SOS1: variants seen among roughly 807,000 people sequenced by gnomAD.
SOS1 encodes the protein SOS Ras/Rac guanine nucleotide exchange factor 1.
Under a neutral mutation model 157.6 loss-of-function variants are expected in SOS1, and 25 were observed. That is an observed-to-expected ratio of 0.16 (90% CI 0.12 to 0.22). The LOEUF is 0.22. SOS1 is among the 10% of genes least tolerant of loss of function. The probability of loss-of-function intolerance (pLI) is 1.00; values close to 1 mark genes in which losing one functional copy is unlikely to be tolerated. For missense variants in SOS1, 1,237 were observed against 1,599.1 expected (o/e 0.77, Z 3.86); for synonymous variants, 528 against 534.0 (o/e 0.99, Z 0.16).
At position 38,985,576 on chromosome 2, in the gene SOS1, TTA is replaced by T; in HGVS notation, c.*246_*247del. 3 of 473,038 alleles carry T rather than the reference TTA, an allele frequency of 6.3e-6. No individual in the cohort carries two copies. The highest frequency in any genetic ancestry group is 4.3e-5 in the South Asian group (2 of 46,038). 29.3% of individuals were successfully genotyped at this position (473,038 alleles called of 1,614,324 possible). A position where few individuals can be genotyped will look rare whatever the true frequency, so the allele number is the denominator to read the frequency against. ...TGCCTATTGGCCAGAAAAAGTCCCT[TTA>T]TGATTTTCAGGTGCAATCAGTTGTC... On this transcript the variant is annotated 3_prime_UTR_variant, in exon 23 of 23. Transcript: ENST00000402219.
Position 38,995,245 on chromosome 2 carries a change from C to G in SOS1, c.3224G>C (p.Ser1075Thr). ...TGGAGAATTTGGTGCAGATGCTGTA[C>G]TTTCTGTTTCACTTTCAGGGATCCT... ...YSRIPESETE[S>T]TASAPNSPRT... Residue 1075 changes from serine to threonine, a missense_variant, in exon 20 of 23, where the codon AGT (serine) becomes ACT (threonine). Physicochemically the swap from Ser to Thr is moderately conservative, Grantham distance 58. Coordinates refer to ENST00000402219, the MANE Select transcript of SOS1 (RefSeq NM_005633.4). 6.2e-7 allele frequency: 1 copy of G among 1,614,050 alleles called. No individual in the cohort carries two copies. Among genetic ancestry groups the G allele is most frequent in the East Asian group, 2.2e-5 (1 of 44,878 alleles).
At chr2:39,100,863 G>A (rs550214613) in intron 1 of SOS1, among the ~76,000 whole-genome samples, 1 of 152,280 alleles carries the variant, frequency 6.6e-6, no homozygotes, top group South Asian at 2.1e-4. Context: ...AGGTTGCAGT[G>A]AGCCGAGACT....
At chr2:39,119,334 G>C (rs1216986404) in intron 1 of SOS1, among the ~76,000 whole-genome samples, 6 of 152,212 alleles carry the variant, frequency 3.9e-5, no homozygotes, top group African/African-American at 7.2e-5. Context: ...AAGACAGCAA[G>C]AGGGACCGGA....
chr2:38,984,126 T>A lies in SOS1; in HGVS notation c.*1698A>T, dbSNP rs1317299653. The A allele has an allele frequency of 1.3e-5, 2 of 152,190 alleles. No individual in the cohort carries two copies. Among genetic ancestry groups the A allele is most frequent in the Non-Finnish European group, 2.9e-5 (2 of 68,030 alleles). The allele number at this position is 152,190 out of a possible 1,614,324, so 9.4% of individuals were successfully genotyped here. On this transcript the variant is annotated 3_prime_UTR_variant, in exon 23 of 23. Coordinates refer to ENST00000402219, the MANE Select transcript of SOS1 (RefSeq NM_005633.4). ...CTAGGTTCCCACCATGTTGCAGCAC[T>A]TCTAAAAATGTCTCTAATGGTGTGG... is the stretch of plus-strand genomic sequence containing the variant.
intron 6 of SOS1, among the ~76,000 whole-genome samples, chr2:39,038,131 T>C (rs1670421195): frequency 6.6e-6 from 1 of 152,206 alleles, no homozygotes; most frequent in South Asian, 2.1e-4. Context: ...GTGATTCCTC[T>C]GCTGCAGCTG....
intron 1 of SOS1, among the ~76,000 whole-genome samples, chr2:39,110,549 T>TAA (rs558283271): frequency 7.1e-5 from 9 of 127,372 alleles, no homozygotes; most frequent in Non-Finnish European, 3.4e-5. Flanking sequence ...CAAGGAGCAA[T>TAA]AAAAAAAAAA....
At chr2:39,073,291 G>A (rs1558500912) in intron 1 of SOS1, among the ~76,000 whole-genome samples, 1 of 152,100 alleles carries the variant, frequency 6.6e-6, no homozygotes, top group Admixed American at 6.5e-5. Context: ...AACTATGTGG[G>A]TTTTCCCGGT....
intron 1 of SOS1, among the ~76,000 whole-genome samples, chr2:39,073,997 T>G (rs945363104): frequency 2.6e-5 from 4 of 152,206 alleles, no homozygotes; most frequent in Non-Finnish European, 2.9e-5. Context: ...ATGCTTTAGG[T>G]GCTTATCACT....
At chr2:39,075,354 T>C (rs1671933375) in intron 1 of SOS1, among the ~76,000 whole-genome samples, 1 of 152,126 alleles carries the variant, frequency 6.6e-6, no homozygotes, top group East Asian at 1.9e-4. Flanking sequence ...GATAAGAAAT[T>C]CAAGTTTGAC....
chr2:39,066,446 G>C (rs1445052579), intron 2 of SOS1, among the ~76,000 whole-genome samples: 5 of 152,152 alleles, frequency 3.3e-5, no homozygotes, highest in African/African-American at 9.7e-5. Flanking sequence ...ATTTCTAGCT[G>C]TATCTCCCAT....
chr2:39,120,358 A>G lies in SOS1; in HGVS notation c.65T>C (p.Leu22Pro). The G allele has an allele frequency of 1.3e-6, 2 of 1,593,122 alleles. No homozygotes were observed. Among genetic ancestry groups the G allele is most frequent in the Non-Finnish European group, 8.5e-7 (1 of 1,170,706 alleles). ...SEENAPKWRG[L>P]LVPALKKVQG... ...CACCTTTTTCAGCGCAGGCACCAGT[A>G]GTCCCCGCCACTTGGGCGCGTTCTC... Residue 22 changes from leucine (L) to proline (P), a missense_variant, in exon 1 of 23, where the codon CTA becomes CCA. This residue lies in a region of SOS1 where 99 missense variants were observed against 81.6 expected (regional missense o/e 1.21). Transcript: ENST00000402219.
At chr2:39,042,689 C>CACTGT (rs1201093777) in intron 6 of SOS1, among the ~76,000 whole-genome samples, 2 of 151,324 alleles carry the variant, frequency 1.3e-5, no homozygotes, top group African/African-American at 4.9e-5. Context: ...AGGAGTAAGC[C>CACTGT]ACTGTGCCCA....
chr2:39,093,855 A>G (rs1184725298), intron 1 of SOS1, among the ~76,000 whole-genome samples: 1 of 152,248 alleles, frequency 6.6e-6, no homozygotes, highest in Non-Finnish European at 1.5e-5. Context: ...CCAAAAGTTC[A>G]TTGCTATAGT....
chr2:39,096,571 C>G (rs757742532), intron 1 of SOS1, among the ~76,000 whole-genome samples: 17 of 152,142 alleles, frequency 1.1e-4, no homozygotes, highest in Non-Finnish European at 2.2e-4. Flanking sequence ...CCAAAGAGAT[C>G]TGTATTTGAA....
chr2:39,022,479 T>G (rs780292019), intron 10 of SOS1, 91 bp downstream of exon 10: 17 of 986,008 alleles, frequency 1.7e-5, no homozygotes. Context: ...TGTTAGTTTC[T>G]TTTCTATTTT....
At chr2:39,089,544 A>AAAAAG (rs1553368168) in intron 1 of SOS1, among the ~76,000 whole-genome samples, 23 of 151,290 alleles carry the variant, frequency 1.5e-4, no homozygotes, top group African/African-American at 4.8e-4. Context: ...AAAAAAAAAA[A>AAAAAG]AAAGAAAGAA....
At chr2:39,086,605 T>G (rs1024060406) in intron 1 of SOS1, among the ~76,000 whole-genome samples, 1 of 152,184 alleles carries the variant, frequency 6.6e-6, no homozygotes, top group Admixed American at 6.5e-5. Context: ...AAAATAAAAA[T>G]GCCCTTCCCC....
intron 8 of SOS1, among the ~76,000 whole-genome samples, chr2:39,028,606 C>T (rs1670051608): frequency 1.3e-5 from 2 of 152,084 alleles, no homozygotes; most frequent in Admixed American, 6.6e-5. Flanking sequence ...CTTTCAGTCC[C>T]GTGACTTTTC....
intron 1 of SOS1, among the ~76,000 whole-genome samples, chr2:39,109,762 A>G (rs555142415): frequency 2.0e-5 from 3 of 152,234 alleles, no homozygotes; most frequent in African/African-American, 7.2e-5. Context: ...TGGGTACAAC[A>G]GAGATAAGCA....
Sources: gnomAD v4.1 joint callset for allele counts (sites outside exome capture counted in the v4.1 genomes callset) on GRCh38, gnomAD v4.1.1 for gene constraint, gnomAD v4.1.1 regional missense constraint, MANE v1.5 for transcripts, NCBI Gene and HGNC (gene_info 2026-07-23, HGNC 2026-07-21) for gene names.